The following ZNF236 variants were observed in gnomAD, a reference collection of about 807,000 sequenced individuals.
ZNF236 encodes the protein regulated by glucose.
In ZNF236, 50 loss-of-function variants were observed where a neutral mutation model predicts 191.2. The ratio of observed to expected loss-of-function variants is 0.26; its 90% confidence interval spans 0.21 to 0.33. The LOEUF (loss-of-function observed/expected upper bound fraction) is 0.33, where lower values mean the gene tolerates loss of function less well. Among genes scored for constraint, ZNF236 ranks in the 10% least tolerant of loss-of-function variants. The pLI, the probability that ZNF236 is intolerant of heterozygous loss-of-function variation, is 1.00. For missense variants in ZNF236, 1,754 were observed against 2,374.5 expected (o/e 0.74, Z 5.43); for synonymous variants, 907 against 928.8 (o/e 0.98, Z 0.43).
intron 30 of ZNF236, among the ~76,000 whole-genome samples, chr18:76,962,419 C>T (rs1040934037): frequency 2.0e-5 from 3 of 152,016 alleles, no homozygotes; most frequent in Non-Finnish European, 2.9e-5. Context: ...GGTCTGTATG[C>T]CTATTTTTAT....
chr18:76,946,827 C>T (rs576850406), intron 26 of ZNF236, among the ~76,000 whole-genome samples: 26 of 152,232 alleles, frequency 1.7e-4, no homozygotes, highest in Non-Finnish European at 2.9e-4. Context: ...ATATGTGTTT[C>T]TAAGCAAATA....
At chr18:76,916,357 TC>T (rs1417556508) in intron 19 of ZNF236, among the ~76,000 whole-genome samples, 2 of 152,186 alleles carry the variant, frequency 1.3e-5, no homozygotes, top group African/African-American at 4.8e-5. Flanking sequence ...ATCTGGTCTT[TC>T]ACTGAAATGG....
intron 20 of ZNF236, among the ~76,000 whole-genome samples, chr18:76,920,914 A>G (rs1010675899): frequency 6.6e-6 from 1 of 152,250 alleles, no homozygotes; most frequent in African/African-American, 2.4e-5. Flanking sequence ...CCAAAGTATC[A>G]GCGTTCTCCT....
chr18:76,830,918 TA>T (rs1158322477), intron 1 of ZNF236, among the ~76,000 whole-genome samples: 1 of 152,226 alleles, frequency 6.6e-6, no homozygotes, highest in East Asian at 1.9e-4. Context: ...GGACATATAT[TA>T]AAATTAATAC....
At chr18:76,846,304 C>G (rs1568192373) in intron 1 of ZNF236, among the ~76,000 whole-genome samples, 1 of 152,160 alleles carries the variant, frequency 6.6e-6, no homozygotes, top group Non-Finnish European at 1.5e-5. Flanking sequence ...CTCTGGGGAC[C>G]AGAAATTTGA....
intron 3 of ZNF236, among the ~76,000 whole-genome samples, chr18:76,853,733 C>G (rs116948208): frequency 0.016 from 2,416 of 151,920 alleles, 29 homozygotes; most frequent in Middle Eastern, 0.021. Context: ...ATTGCTGGCT[C>G]GGCATGGTGG....
rs111643601 is a variant in ZNF236 at position 76,925,035 on chromosome 18, C to T, written c.3662-154C>T. 2.1e-3 allele frequency among the ~76,000 whole-genome samples: 316 copies of T among 152,296 alleles called. No homozygotes were observed. Among genetic ancestry groups the T allele is most frequent in the Non-Finnish European group, 3.5e-3 (240 of 68,026 alleles). ...ACAATACTGCAGCAATTGCCTGTGA[C>T]GTCCGTAACATCTTATAGGTGAAAG... On this transcript the variant is annotated intron_variant, in intron 21 of 30. Coordinates refer to ENST00000320610, the MANE Select transcript of ZNF236 (RefSeq NM_001306089.2). The surrounding 1 kb of genome is among the most constrained non-coding windows in gnomAD (Gnocchi z 5.7).
In ZNF236 at chr18:76,970,615, C is replaced by G. The variant is rs1968893891; in HGVS notation, c.*2276C>G. On this transcript the variant is annotated 3_prime_UTR_variant, in exon 31 of 31. Transcript: ENST00000320610. The stretch of plus-strand genomic sequence containing the variant: ...TTTAAAAATTCTAGAAAAGAGATTT[C>G]TAGGCCTCATGTATAACCAGGGTTT... The G allele has an allele frequency of 6.6e-6, 1 of 152,548 alleles. No homozygotes were observed. Among genetic ancestry groups the G allele is most frequent in the South Asian group, 2.1e-4 (1 of 4,824 alleles). 9.4% of individuals were successfully genotyped at this position (152,548 alleles called of 1,614,324 possible).
intron 2 of ZNF236, among the ~76,000 whole-genome samples, chr18:76,849,920 G>C (rs909618222): frequency 6.6e-6 from 1 of 152,144 alleles, no homozygotes; most frequent in African/African-American, 2.4e-5. Flanking sequence ...ACAAATAATT[G>C]TTTAAAAAAT....
At chr18:76,934,958 T>G (rs1967955917) in intron 25 of ZNF236, among the ~76,000 whole-genome samples, 1 of 152,248 alleles carries the variant, frequency 6.6e-6, no homozygotes, top group South Asian at 2.1e-4. Context: ...CTTTTTAACT[T>G]ATTTTTGAGT....
intron 25 of ZNF236, among the ~76,000 whole-genome samples, chr18:76,929,404 G>A (rs959928858): frequency 6.6e-6 from 1 of 152,090 alleles, no homozygotes; most frequent in Non-Finnish European, 1.5e-5. Context: ...TTTTAGGAAA[G>A]CTATTTGGTT....
intron 18 of ZNF236, among the ~76,000 whole-genome samples, chr18:76,914,198 G>A (rs558523045): frequency 1.6e-4 from 25 of 152,264 alleles, no homozygotes; most frequent in Non-Finnish European, 2.5e-4. Context: ...ATAGAAGTAC[G>A]TGGCATTTTG....
rs1384355119 is a variant in ZNF236 at position 76,849,625 on chromosome 18, C to G, written c.155C>G (p.Ser52Cys). Residue 52 changes from serine (S) to cysteine (C), a missense_variant, in exon 2 of 31, where the codon TCC becomes TGC. Ser to Cys is a moderately radical substitution (Grantham distance 112). This residue lies in a region of ZNF236 where 336 missense variants were observed against 495.1 expected (regional missense o/e 0.68). Transcript: ENST00000320610. The part of the protein sequence containing the change: ...EICLLSFPKE[S>C]QFQRHMRDHE... ...TGTCTACTATCTTTTCCAAAAGAATCCCAGTTTCAACGCCACATGAGGGAT... is the reference window on the plus strand; with the variant it reads ...TGTCTACTATCTTTTCCAAAAGAATGCCAGTTTCAACGCCACATGAGGGAT... 1.2e-6 allele frequency: 2 copies of G among 1,608,832 alleles called. No homozygotes were observed. The highest frequency in any genetic ancestry group is 1.7e-6 in the Non-Finnish European group (2 of 1,178,606).
chr18:76,863,558 GA>G (rs944885210), intron 3 of ZNF236, among the ~76,000 whole-genome samples: 3 of 151,638 alleles, frequency 2.0e-5, no homozygotes, highest in African/African-American at 7.3e-5. Flanking sequence ...ATTGCTGAAA[GA>G]AAAGAATTGT....
rs1007592591 is a variant in ZNF236 at position 76,950,240 on chromosome 18, G to A, written c.4914+2588G>A. On this transcript the variant is annotated intron_variant, in intron 27 of 30. Coordinates refer to ENST00000320610, the MANE Select transcript of ZNF236 (RefSeq NM_001306089.2). ...GCAATGATGTTTGATAGCATTTTAC[G>A]CAAAGTAGAACCTCTTTCAAAATTG... is the stretch of plus-strand genomic sequence containing the variant. Among the ~76,000 whole-genome samples the A allele has an allele frequency of 3.9e-5, 6 of 152,234 alleles. 1 individual carries two copies. The South Asian group carries it at 8.3e-4, about 21-fold the overall frequency.
chr18:76,833,815 G>A (rs1340787112), intron 1 of ZNF236, among the ~76,000 whole-genome samples: 2 of 151,910 alleles, frequency 1.3e-5, no homozygotes, highest in African/African-American at 4.8e-5. Flanking sequence ...AATCATCTGG[G>A]CTTTGAGATT....
intron 4 of ZNF236, among the ~76,000 whole-genome samples, chr18:76,869,132 T>C (rs1976510853): frequency 6.6e-6 from 1 of 152,228 alleles, no homozygotes; most frequent in African/African-American, 2.4e-5. Context: ...TGTTTATGGG[T>C]AGGTAACAAA....
chr18:76,891,076 A>G (rs1977216817), intron 9 of ZNF236, among the ~76,000 whole-genome samples: 1 of 152,186 alleles, frequency 6.6e-6, no homozygotes, highest in African/African-American at 2.4e-5. Flanking sequence ...TGTTATTGGC[A>G]AGTCTTCTGG....
intron 14 of ZNF236, among the ~76,000 whole-genome samples, chr18:76,909,422 T>G (rs1381441944): frequency 6.6e-6 from 1 of 152,176 alleles, no homozygotes; most frequent in Non-Finnish European, 1.5e-5. Context: ...AGTGTACATC[T>G]GTATGATCTT....
Sources: allele counts gnomAD v4.1 joint callset (sites outside exome capture counted in the v4.1 genomes callset), GRCh38; gene constraint gnomAD v4.1.1; regional missense constraint gnomAD v4.1.1; non-coding constraint Gnocchi (gnomAD v3.1); transcripts MANE v1.5; gene names NCBI Gene and HGNC (gene_info 2026-07-23, HGNC 2026-07-21).